The following SLC6A16 variants were observed in gnomAD, a reference collection of about 807,000 sequenced individuals.
The protein encoded by SLC6A16 is solute carrier family 6 member 16.
Under a neutral mutation model 65.4 loss-of-function variants are expected in SLC6A16, and 54 were observed. That is an observed-to-expected ratio of 0.83 (90% confidence interval 0.66 to 1.04). The LOEUF is 1.04. Ranked by LOEUF, SLC6A16 falls within the 50% of genes least tolerant of loss-of-function variation. The pLI is 0.00. For missense variants in SLC6A16, 816 were observed against 914.0 expected (o/e 0.89, Z 1.38); for synonymous variants, 330 against 346.5 (o/e 0.95, Z 0.53).
chr19:49,313,968 C>T (rs1295162989), intron 1 of SLC6A16, among the ~76,000 whole-genome samples: 2 of 151,950 alleles, frequency 1.3e-5, no homozygotes, highest in East Asian at 3.9e-4. Context: ...CAGTGGCGGG[C>T]GCCTGTAGTC....
chr19:49,290,688 C>G lies in SLC6A16; in HGVS notation c.1858G>C (p.Val620Leu). The change falls in exon 11 of 12, where the codon GTT becomes CTT. Residue 620 changes from valine (V) to leucine (L), a missense_variant. Val to Leu is a conservative substitution (Grantham distance 32). Coordinates refer to ENST00000335875, the MANE Select transcript of SLC6A16 (RefSeq NM_014037.3). ...FGWLWPHLCPVVLLIIFVTMM... is the reference protein window; with the variant it reads ...FGWLWPHLCPLVLLIIFVTMM... The stretch of plus-strand genomic sequence containing the variant: ...GTCACAAAGATGATTAGCAGCACAA[C>G]TGGACACAGATGGGGCCACAGCCAA... 6.2e-7 allele frequency: 1 copy of G among 1,613,982 alleles called. No homozygotes were observed. The highest frequency in any genetic ancestry group is 1.1e-5 in the South Asian group (1 of 91,038).
chr19:49,303,579 C>T (rs1299378549), intron 7 of SLC6A16, among the ~76,000 whole-genome samples: 2 of 149,790 alleles, frequency 1.3e-5, no homozygotes, highest in East Asian at 2.0e-4. Flanking sequence ...TGTTTGAACC[C>T]GGGAGGCAGA....
chr19:49,314,290 T>C (rs1970580516), intron 1 of SLC6A16, among the ~76,000 whole-genome samples: 1 of 152,080 alleles, frequency 6.6e-6, no homozygotes, highest in South Asian at 2.1e-4. Flanking sequence ...CAAGAATCCA[T>C]GAATCCACAG....
At chr19:49,338,124 C>T in the SLC6A16 span, 6 of 1,519,694 alleles carry the variant, frequency 3.9e-6, no homozygotes, top group Admixed American at 1.3e-4. The surrounding 1 kb of genome is among the most constrained non-coding windows in gnomAD (Gnocchi z 5.0). Flanking sequence ...ACCCCCAGCT[C>T]TACGATCCTA....
At chr19:49,337,665 C>G in the SLC6A16 span, 1 of 1,521,380 alleles carries the variant, frequency 6.6e-7, no homozygotes, top group Non-Finnish European at 8.8e-7. Context: ...CAGGCATAAA[C>G]AGCTCCAAAG....
At chr19:49,313,041 C>T (rs183085963) in intron 1 of SLC6A16, among the ~76,000 whole-genome samples, 114 of 137,852 alleles carry the variant, frequency 8.3e-4, no homozygotes, top group Admixed American at 1.4e-3. Flanking sequence ...CGAGATCGCA[C>T]GACTGCACTC....
chr19:49,292,858 A>G lies in SLC6A16; in HGVS notation c.1778+365T>C, dbSNP rs1185953092. Among the ~76,000 whole-genome samples, 1 of 152,098 alleles carries G rather than the reference A, an allele frequency of 6.6e-6. No homozygotes were observed. ...TGACTTGGTGCCCACACACACTCCCACTATGTGCCATCTGACCTCATCCTT... is the reference window on the plus strand; with the variant it reads ...TGACTTGGTGCCCACACACACTCCCGCTATGTGCCATCTGACCTCATCCTT... On this transcript the variant is annotated intron_variant, in intron 10 of 11. Coordinates refer to ENST00000335875, the MANE Select transcript of SLC6A16 (RefSeq NM_014037.3). This position sits in a 1 kb window ranked among gnomAD's most constrained non-coding sequence, Gnocchi z 4.3.
rs759458129 is a variant in SLC6A16 at position 49,310,437 on chromosome 19, A to C, written c.489T>G (p.Ala163=). 5 of 1,614,152 alleles carry C rather than the reference A, an allele frequency of 3.1e-6. No individual in the cohort carries two copies. Among genetic ancestry groups the C allele is most frequent in the Non-Finnish European group, 4.2e-6 (5 of 1,180,016 alleles). ...GVPLLFLEMA[A]GQSMRQGGMG... ...TGCCACCCTGACGCATGCTCTGACC[A>C]GCTGCCATCTCCAGGAAGAGAAGAG... Residue 163 remains alanine, a synonymous_variant, in exon 3 of 12, where the codon GCT becomes GCG. Transcript: ENST00000335875.
chr19:49,339,438 C>A, the SLC6A16 span: 1 of 1,603,890 alleles, frequency 6.2e-7, no homozygotes. This position sits in a 1 kb window ranked among gnomAD's most constrained non-coding sequence, Gnocchi z 4.5. Flanking sequence ...CCCCCACCCG[C>A]GATCGGCCCT....
At chr19:49,325,622 C>A (rs370302914), upstream of SLC6A16, among the ~76,000 whole-genome samples, 28 of 152,262 alleles carry the variant, frequency 1.8e-4, 1 homozygote, top group Admixed American at 9.8e-4. Context: ...AGCTCAGAAG[C>A]CTACTAGGGC....
rs775611198 is a variant in SLC6A16, at chr19:49,311,135, T to C, written c.213A>G (p.Val71=). 6.2e-6 allele frequency: 10 copies of C among 1,614,066 alleles called. No individual in the cohort carries two copies. The highest frequency in any genetic ancestry group is 1.7e-5 in the Admixed American group (1 of 60,006). The change falls in exon 2 of 12, where the codon GTA becomes GTG. Residue 71 remains valine (V), a synonymous_variant. Coordinates refer to ENST00000335875, the MANE Select transcript of SLC6A16 (RefSeq NM_014037.3). ...ARTSQPKQIS[V]LEALTASALN... ...GGGCTGAGGCAGTTAACGCCTCCAA[T>C]ACAGAAATTTGCTTGGGCTGACTGG...
At chr19:49,336,016 G>T in the SLC6A16 span, 1 of 577,136 alleles carries the variant, frequency 1.7e-6, no homozygotes, top group East Asian at 2.8e-5. Flanking sequence ...CCTATCTGTC[G>T]GGACTTGTGG....
chr19:49,313,037 C>T (rs1156379911), intron 1 of SLC6A16, among the ~76,000 whole-genome samples: 2 of 135,200 alleles, frequency 1.5e-5, no homozygotes, highest in African/African-American at 3.0e-5. Context: ...GAGCCGAGAT[C>T]GCACGACTGC....
At chr19:49,328,114 G>A (rs375438669), upstream of SLC6A16, among the ~76,000 whole-genome samples, 32 of 152,286 alleles carry the variant, frequency 2.1e-4, 1 homozygote, top group Admixed American at 9.8e-4. Context: ...ATGTATGGGT[G>A]TATTCCTCTG....
At chr19:49,337,573 G>T in the SLC6A16 span, 46 of 1,228,574 alleles carry the variant, frequency 3.7e-5, 4 homozygotes, top group South Asian at 6.2e-4. Context: ...AGTGAGCCAT[G>T]CACTCAGCCT....
chr19:49,339,227 G>C, the SLC6A16 span: 2 of 1,004,552 alleles, frequency 2.0e-6, no homozygotes, highest in Middle Eastern at 2.2e-4. The surrounding 1 kb of genome is among the most constrained non-coding windows in gnomAD (Gnocchi z 4.5). Context: ...CTAGGGGAGC[G>C]GGTAGATGCC....
chr19:49,310,008 T>G (rs746189287), intron 4 of SLC6A16, 32 bp downstream of exon 4: 20 of 1,606,068 alleles, frequency 1.2e-5, no homozygotes, highest in Middle Eastern at 1.7e-4. Context: ...TCTCCATTTT[T>G]CCCTTCTCCT....
Position 49,289,903 on chromosome 19 carries a change from G to T in SLC6A16, c.*220C>A. On this transcript the variant is annotated 3_prime_UTR_variant, in exon 12 of 12. Transcript: ENST00000335875. The stretch of plus-strand genomic sequence containing the variant: ...TGTGTTGTGCATGTATGTGTGTTGA[G>T]GAAGAGGATGGGGAAAACAATGATG... The T allele has an allele frequency of 1.7e-6, 1 of 583,048 alleles. No homozygotes were observed. The highest frequency in any genetic ancestry group is 3.1e-6 in the Non-Finnish European group (1 of 327,644). The allele number at this position is 583,048 out of a possible 1,614,324, so 36.1% of individuals were successfully genotyped here.
intron 7 of SLC6A16, among the ~76,000 whole-genome samples, chr19:49,302,512 TC>T (rs1354884865): frequency 1.3e-5 from 2 of 152,216 alleles, no homozygotes; most frequent in East Asian, 3.9e-4. Context: ...ACCACTCTTC[TC>T]CCCAAAAAAA....
Sources: allele counts gnomAD v4.1 joint callset (sites outside exome capture counted in the v4.1 genomes callset), GRCh38; gene constraint gnomAD v4.1.1; non-coding constraint Gnocchi (gnomAD v3.1); transcripts MANE v1.5; gene names NCBI Gene and HGNC (gene_info 2026-07-23, HGNC 2026-07-21).